TUBB8: variants seen among roughly 807,000 people sequenced by gnomAD.
TUBB8 encodes the protein tubulin beta 8 class VIII.
A neutral mutation model predicts 33.7 loss-of-function variants in TUBB8; 25 were observed. The observed-to-expected ratio is 0.74, with a 90% CI of 0.54 to 1.04. The LOEUF (loss-of-function observed/expected upper bound fraction) is 1.04. Ranked by LOEUF, TUBB8 falls within the 50% of genes least tolerant of loss-of-function variation. The pLI is 0.00. For missense variants in TUBB8, 279 were observed against 608.0 expected (o/e 0.46, Z 5.69); for synonymous variants, 245 against 240.1 (o/e 1.02, Z -0.19).
chr10:62,425 G>A (rs1450603108), intron 1 of TUBB8, among the ~76,000 whole-genome samples: 5 of 152,142 alleles, frequency 3.3e-5, no homozygotes, highest in Non-Finnish European at 5.9e-5. Flanking sequence ...TAAACTTTTT[G>A]TTGTTTCTCT....
At chr10:55,130 T>C (rs1554740024) in intron 1 of TUBB8, among the ~76,000 whole-genome samples, 1 of 152,192 alleles carries the variant, frequency 6.6e-6, no homozygotes, top group African/African-American at 2.4e-5. Flanking sequence ...CTCAGGAAAC[T>C]TACAGTCATG....
intron 3 of TUBB8, 119 bp downstream of exon 3, chr10:48,496 G>A (rs571321328): frequency 1.4e-4 from 132 of 968,568 alleles, no homozygotes; most frequent in Non-Finnish European, 2.0e-4. Context: ...CGACTCGGAG[G>A]ATAGGAGGGT....
chr10:50,811 C>CTTGATTGATTCTCTTGTGCT (rs1564206758), upstream of TUBB8, among the ~76,000 whole-genome samples: 5 of 152,240 alleles, frequency 3.3e-5, no homozygotes, highest in African/African-American at 1.2e-4. Flanking sequence ...AGGCTTGTGC[C>CTTGATTGATTCTCTTGTGCT]TTGATTGATT....
At chr10:51,953 TGCAAAACGGA>T (rs1834474015), upstream of TUBB8, among the ~76,000 whole-genome samples, 1 of 152,234 alleles carries the variant, frequency 6.6e-6, no homozygotes, top group Non-Finnish European at 1.5e-5. Flanking sequence ...TCCAGGCTAC[TGCAAAACGGA>T]GGCGGTGAGC....
chr10:65,703 C>T (rs1195996991), intron 1 of TUBB8, among the ~76,000 whole-genome samples: 30 of 152,066 alleles, frequency 2.0e-4, no homozygotes, highest in Non-Finnish European at 2.9e-4. Flanking sequence ...CCAGCATGGG[C>T]GACAAGAGTG....
chr10:58,923 T>C (rs1554740518), intron 1 of TUBB8, among the ~76,000 whole-genome samples: 1 of 152,236 alleles, frequency 6.6e-6, no homozygotes, highest in African/African-American at 2.4e-5. Context: ...TATTGCTTTC[T>C]CTTGTCTGAT....
At chr10:55,935 G>T (rs1358386022) in intron 1 of TUBB8, among the ~76,000 whole-genome samples, 3 of 152,164 alleles carry the variant, frequency 2.0e-5, no homozygotes, top group Non-Finnish European at 4.4e-5. Flanking sequence ...CTCCAGTTTT[G>T]GTTTATATAC....
chr10:62,402 A>G (rs1376510654), intron 1 of TUBB8, among the ~76,000 whole-genome samples: 3 of 152,204 alleles, frequency 2.0e-5, no homozygotes, highest in Non-Finnish European at 4.4e-5. Flanking sequence ...CTTTAACTCC[A>G]TTGCCATTCT....
chr10:65,324 C>G (rs1424804634), intron 1 of TUBB8, among the ~76,000 whole-genome samples: 1 of 152,196 alleles, frequency 6.6e-6, no homozygotes, highest in African/African-American at 2.4e-5. Context: ...AATAGTAAAC[C>G]AACCCATACC....
At chr10:52,408 C>T (rs1246309874), upstream of TUBB8, among the ~76,000 whole-genome samples, 1 of 152,154 alleles carries the variant, frequency 6.6e-6, no homozygotes, top group African/African-American at 2.4e-5. Flanking sequence ...AGATCTTGTG[C>T]AGTAAAAAAT....
chr10:71,002 G>A (rs781986141), intron 1 of TUBB8, among the ~76,000 whole-genome samples: 2 of 151,984 alleles, frequency 1.3e-5, no homozygotes, highest in Non-Finnish European at 2.9e-5. Flanking sequence ...GTGACCCTTA[G>A]AGATCCCCAT....
intron 1 of TUBB8, among the ~76,000 whole-genome samples, chr10:67,312 AATT>A (rs1258134777): frequency 6.6e-6 from 1 of 152,242 alleles, no homozygotes; most frequent in Non-Finnish European, 1.5e-5. Context: ...CCACCTTAAG[AATT>A]ATTAAGTCTT....
chr10:48,412 AG>A, intron 3 of TUBB8: 1 of 651,278 alleles, frequency 1.5e-6, no homozygotes, highest in Non-Finnish European at 2.7e-6. Context: ...AGTTTACATC[AG>A]TAACTCCTCA....
chr10:65,916 T>C (rs1834665050), intron 1 of TUBB8, among the ~76,000 whole-genome samples: 1 of 152,232 alleles, frequency 6.6e-6, no homozygotes, highest in African/African-American at 2.4e-5. Flanking sequence ...ACCCACATGC[T>C]AATTTCAATA....
At chr10:53,868 A>G (rs1481633658), upstream of TUBB8, among the ~76,000 whole-genome samples, 7 of 152,426 alleles carry the variant, frequency 4.6e-5, no homozygotes, top group African/African-American at 1.7e-4. Flanking sequence ...CTGCCTCATT[A>G]GACTCTCCTC....
chr10:53,730 ATTC>A (rs201333014), upstream of TUBB8, among the ~76,000 whole-genome samples: 169 of 152,334 alleles, frequency 1.1e-3, no homozygotes, highest in East Asian at 4.8e-3. Flanking sequence ...AGGATTAAAA[ATTC>A]TTCTTTTTTC....
upstream of TUBB8, among the ~76,000 whole-genome samples, chr10:76,152 A>C (rs1357817741): frequency 2.0e-5 from 3 of 150,770 alleles, no homozygotes; most frequent in African/African-American, 7.3e-5. Context: ...AAAAAAAAAA[A>C]AAAAAAAACA....
At chr10:53,536 CAT>C (rs1834493831), upstream of TUBB8, among the ~76,000 whole-genome samples, 2 of 152,178 alleles carry the variant, frequency 1.3e-5, no homozygotes, top group Non-Finnish European at 2.9e-5. Context: ...CTCTAGAACA[CAT>C]GTGATTAAAT....
intron 1 of TUBB8, among the ~76,000 whole-genome samples, chr10:58,978 A>G (rs1280545572): frequency 6.6e-6 from 1 of 152,142 alleles, no homozygotes; most frequent in Non-Finnish European, 1.5e-5. Context: ...AACAGTGGTA[A>G]AAGTGGATAT....
Sources: gnomAD v4.1 joint callset for allele counts (sites outside exome capture counted in the v4.1 genomes callset) on GRCh38, gnomAD v4.1.1 for gene constraint, MANE v1.5 for transcripts, NCBI Gene and HGNC (gene_info 2026-07-23, HGNC 2026-07-21) for gene names.